PRR16: variants seen among roughly 807,000 people sequenced by gnomAD.
PRR16 encodes proline rich 16.
In PRR16, 6 loss-of-function variants were observed where a neutral mutation model predicts 18.2. That is an observed-to-expected ratio of 0.33 (90% CI 0.18 to 0.65). The LOEUF (loss-of-function observed/expected upper bound fraction) is 0.65. Among genes scored for constraint, PRR16 ranks in the 30% least tolerant of loss-of-function variants. The probability of loss-of-function intolerance (pLI) is 0.74; values close to 1 mark genes in which losing one functional copy is unlikely to be tolerated. For missense variants in PRR16, 412 were observed against 376.6 expected (o/e 1.09, Z -0.78); for synonymous variants, 151 against 147.8 (o/e 1.02, Z -0.16).
intron 1 of PRR16, among the ~76,000 whole-genome samples, chr5:120,604,303 T>C (rs1488471251): frequency 6.6e-6 from 1 of 152,124 alleles, no homozygotes; most frequent in African/African-American, 2.4e-5. Flanking sequence ...TATTATTATG[T>C]AATATCCTTC....
the PRR16 span, among the ~76,000 whole-genome samples, chr5:120,784,680 A>G: frequency 6.6e-6 from 1 of 152,320 alleles, no homozygotes; most frequent in Non-Finnish European, 1.5e-5. Flanking sequence ...TAAGAGCTAG[A>G]TTAAATATAA....
the PRR16 span, among the ~76,000 whole-genome samples, chr5:120,726,947 T>G: frequency 6.6e-6 from 1 of 152,082 alleles, no homozygotes; most frequent in Admixed American, 6.6e-5. Flanking sequence ...TTTCTACATT[T>G]GTCTTCTAAA....
intron 1 of PRR16, among the ~76,000 whole-genome samples, chr5:120,642,121 T>A (rs1755442325): frequency 1.3e-5 from 2 of 152,226 alleles, no homozygotes; most frequent in South Asian, 4.1e-4. Context: ...TTTTAGGCTG[T>A]CACCATTTTT....
intron 1 of PRR16, among the ~76,000 whole-genome samples, chr5:120,530,285 T>TATATATATATATATATATATA (rs375750842): frequency 4.7e-5 from 4 of 84,420 alleles, no homozygotes; most frequent in African/African-American, 1.6e-4. Context: ...ATATATATAT[T>TATATATATATATATATATATA]TATTTATTTA....
intron 1 of PRR16, among the ~76,000 whole-genome samples, chr5:120,524,781 A>C (rs1751297305): frequency 6.6e-6 from 1 of 152,080 alleles, no homozygotes; most frequent in Admixed American, 6.5e-5. Context: ...CTGTGTCAAA[A>C]TATCTTATAT....
intron 1 of PRR16, among the ~76,000 whole-genome samples, chr5:120,667,369 T>C (rs374072746): frequency 3.9e-5 from 6 of 152,032 alleles, no homozygotes; most frequent in Non-Finnish European, 8.8e-5. Flanking sequence ...GTCTTGCTAG[T>C]GGTCTATCAA....
intron 1 of PRR16, among the ~76,000 whole-genome samples, chr5:120,536,961 A>G (rs1751736934): frequency 2.0e-5 from 3 of 152,344 alleles, no homozygotes; most frequent in African/African-American, 7.2e-5. Context: ...CAAATACTGC[A>G]TTTTCTCACT....
chr5:120,702,150 A>G, the PRR16 span, among the ~76,000 whole-genome samples: 5 of 151,920 alleles, frequency 3.3e-5, no homozygotes, highest in Non-Finnish European at 7.4e-5. Flanking sequence ...ACCTTCCAGA[A>G]AAGTGGGAAA....
At chr5:120,730,481 A>C in the PRR16 span, among the ~76,000 whole-genome samples, 4 of 152,164 alleles carry the variant, frequency 2.6e-5, no homozygotes, top group African/African-American at 9.7e-5. Context: ...TGTCATTTGC[A>C]TAGTGGTCAA....
the PRR16 span, among the ~76,000 whole-genome samples, chr5:120,694,114 C>T: frequency 6.6e-6 from 1 of 152,120 alleles, no homozygotes; most frequent in Non-Finnish European, 1.5e-5. Context: ...AGAGTAAAAC[C>T]TTGAACAAAT....
the PRR16 span, among the ~76,000 whole-genome samples, chr5:120,748,347 A>C: frequency 7.9e-5 from 12 of 152,106 alleles, no homozygotes; most frequent in Non-Finnish European, 2.9e-5. Flanking sequence ...CTTTTGACAA[A>C]CTAATGCTGA....
At chr5:120,761,498 T>A in the PRR16 span, among the ~76,000 whole-genome samples, 1 of 152,172 alleles carries the variant, frequency 6.6e-6, no homozygotes, top group African/African-American at 2.4e-5. Flanking sequence ...CAATCATGCA[T>A]AAGTGTTTAG....
At chr5:120,500,427 CT>C (rs1750408296) in intron 1 of PRR16, among the ~76,000 whole-genome samples, 1 of 152,080 alleles carries the variant, frequency 6.6e-6, no homozygotes, top group South Asian at 2.1e-4. Context: ...TTTAGTTGTA[CT>C]TTGTGGAAGT....
At chr5:120,572,143 T>C (rs753709059) in intron 1 of PRR16, among the ~76,000 whole-genome samples, 2 of 152,160 alleles carry the variant, frequency 1.3e-5, no homozygotes, top group Non-Finnish European at 2.9e-5. Context: ...CAAAGGAGTC[T>C]CTCATATTGT....
chr5:120,617,053 G>A (rs1754532692), intron 1 of PRR16: 3 of 939,258 alleles, frequency 3.2e-6, no homozygotes, highest in Non-Finnish European at 3.8e-6. Context: ...AAAGTCTAAA[G>A]TAAATGAACT....
At chr5:120,773,225 C>T in the PRR16 span, among the ~76,000 whole-genome samples, 1 of 152,134 alleles carries the variant, frequency 6.6e-6, no homozygotes, top group East Asian at 1.9e-4. Flanking sequence ...TAAGAGTCCC[C>T]AAATCACAGT....
chr5:120,774,276 G>A, the PRR16 span, among the ~76,000 whole-genome samples: 1 of 152,124 alleles, frequency 6.6e-6, no homozygotes, highest in African/African-American at 2.4e-5. Flanking sequence ...TAGGGATGCA[G>A]GAGAAAAGAT....
chr5:120,745,883 T>A, the PRR16 span, among the ~76,000 whole-genome samples: 1 of 149,302 alleles, frequency 6.7e-6, no homozygotes, highest in African/African-American at 2.5e-5. Flanking sequence ...TTTTTTTTTT[T>A]AGCAGAGACA....
the PRR16 span, among the ~76,000 whole-genome samples, chr5:120,725,591 T>G: frequency 1.3e-5 from 2 of 151,984 alleles, no homozygotes; most frequent in Non-Finnish European, 2.9e-5. Context: ...GCAGAAGGAT[T>G]GCTTGAGCCC....
Sources: gnomAD v4.1 joint callset for allele counts (sites outside exome capture counted in the v4.1 genomes callset) on GRCh38, gnomAD v4.1.1 for gene constraint, MANE v1.5 for transcripts, NCBI Gene and HGNC (gene_info 2026-07-23, HGNC 2026-07-21) for gene names.